The following NET1 variants were observed in gnomAD, a reference collection of about 807,000 sequenced individuals.
NET1 encodes neuroepithelial cell transforming 1.
In NET1, 42 loss-of-function variants were observed where a neutral mutation model predicts 61.1. The ratio of observed to expected loss-of-function variants is 0.69; its 90% confidence interval spans 0.54 to 0.89. NET1 has a LOEUF of 0.89. Among genes scored for constraint, NET1 ranks in the 40% least tolerant of loss-of-function variants. The pLI is 0.00. For synonymous variants in NET1, 254 were observed against 281.8 expected (o/e 0.90, Z 0.99); for missense variants, 654 against 747.3 (o/e 0.88, Z 1.46).
chr10:5,439,342 T>C lies in NET1; in HGVS notation c.255+10113T>C, dbSNP rs1258366346. On this transcript the variant is annotated intron_variant, in intron 3 of 11. Transcript: ENST00000355029. The surrounding 1 kb of genome is among the most constrained non-coding windows in gnomAD (Gnocchi z 4.8). Reference sequence around the variant, plus strand: ...ATTCATGTGTGAATGAGGGCCAAATTTTTCTCTTAGTGGTTTTAGAGACCT... The same window carrying C: ...ATTCATGTGTGAATGAGGGCCAAATCTTTCTCTTAGTGGTTTTAGAGACCT... Among the ~76,000 whole-genome samples the C allele has an allele frequency of 6.6e-6, 1 of 152,148 alleles. No individual in the cohort carries two copies. Among genetic ancestry groups the C allele is most frequent in the Non-Finnish European group, 1.5e-5 (1 of 68,030 alleles).
In NET1 at chr10:5,451,891, C is replaced by G; in HGVS notation, c.317C>G (p.Ser106Cys). The change falls in exon 4 of 12, where the codon TCT becomes TGT. Residue 106 changes from serine (S) to cysteine (C), a missense_variant. Physicochemically the swap from Ser to Cys is moderately radical, Grantham distance 112 (BLOSUM62 -1). Coordinates refer to ENST00000355029, the MANE Select transcript of NET1 (RefSeq NM_001047160.3). The surrounding 1 kb of genome is among the most constrained non-coding windows in gnomAD (Gnocchi z 6.1). ...GTCACGTCCTTGGCAAATTTAATCT[C>G]TCCTGTAAGAAATGGAGCTGTCAGA... ...ARVTSLANLI[S>C]PVRNGAVRRF... is the part of the protein sequence containing the mutation. 1 of 1,614,004 alleles carries G rather than the reference C, an allele frequency of 6.2e-7. No individual in the cohort carries two copies. The highest frequency in any genetic ancestry group is 1.1e-5 in the South Asian group (1 of 91,076).
chr10:5,412,869 C>T lies in NET1; in HGVS notation c.128+49C>T. 1.2e-6 allele frequency: 1 copy of T among 867,542 alleles called. No homozygotes were observed. The highest frequency in any genetic ancestry group is 1.4e-6 in the Non-Finnish European group (1 of 730,074). 53.7% of individuals were successfully genotyped at this position (867,542 alleles called of 1,614,324 possible). A position where few individuals can be genotyped will look rare whatever the true frequency, so the allele number is the denominator to read the frequency against. On this transcript the variant is annotated intron_variant, in intron 1 of 11. Coordinates refer to ENST00000355029, the MANE Select transcript of NET1 (RefSeq NM_001047160.3). This position sits in a 1 kb window ranked among gnomAD's most constrained non-coding sequence, Gnocchi z 6.5. ...CGAACGGGAGGTGAGTGTAGGGGAG[C>T]GGAGGGCCGAACGGGAGGTGAGTGT... is the stretch of plus-strand genomic sequence containing the variant.
chr10:5,445,326 T>C (rs568395945), intron 3 of NET1, among the ~76,000 whole-genome samples: 3 of 152,360 alleles, frequency 2.0e-5, no homozygotes, highest in African/African-American at 7.2e-5. Context: ...GAAAACTACC[T>C]GAAGTGGTTT....
chr10:5,420,360 T>C lies in NET1; in HGVS notation c.129-6295T>C. Among the ~76,000 whole-genome samples, 1 of 145,696 alleles carries C rather than the reference T, an allele frequency of 6.9e-6. No individual in the cohort carries two copies. Among genetic ancestry groups the C allele is most frequent in the South Asian group, 2.1e-4 (1 of 4,668 alleles). ...CATTATGATATTCTGTACAGTGAGA[T>C]ATTATAATATACAATTTTTATAACT... On this transcript the variant is annotated intron_variant, in intron 1 of 11. Transcript: ENST00000355029. This position sits in a 1 kb window ranked among gnomAD's most constrained non-coding sequence, Gnocchi z 5.3.
In NET1 at chr10:5,424,125, G is replaced by A. The variant is rs1016943225; in HGVS notation, c.129-2530G>A. 3.3e-5 allele frequency among the ~76,000 whole-genome samples: 5 copies of A among 152,176 alleles called. No homozygotes were observed. The highest frequency in any genetic ancestry group is 1.2e-4 in the African/African-American group (5 of 41,440). ...TTTCTAGGGAATAAAGAAATTAGTA[G>A]CTTTGGTTTTGTAATGCTCCCTAAT... On this transcript the variant is annotated intron_variant, in intron 1 of 11. Coordinates refer to ENST00000355029, the MANE Select transcript of NET1 (RefSeq NM_001047160.3). The surrounding 1 kb of genome is among the most constrained non-coding windows in gnomAD (Gnocchi z 6.1).
At chr10:5,430,502 G>A (rs1020957435) in intron 3 of NET1, among the ~76,000 whole-genome samples, 1 of 151,618 alleles carries the variant, frequency 6.6e-6, no homozygotes, top group African/African-American at 2.4e-5. Flanking sequence ...AGCCTCCTGA[G>A]TAGCTGAGAT....
intron 1 of NET1, among the ~76,000 whole-genome samples, chr10:5,414,816 G>A (rs1832051697): frequency 6.6e-6 from 1 of 152,200 alleles, no homozygotes; most frequent in African/African-American, 2.4e-5. Flanking sequence ...AGAGGATTTA[G>A]CCTAACAAGA....
Position 5,452,626 on chromosome 10 carries a change from T to TA in NET1, c.531+102dup. ...TTTGTGTTTGAGCAACAATTCCTAA[T>TA]ACATGGTGAACAAAACCTAATGATG... On this transcript the variant is annotated intron_variant, in intron 5 of 11. Coordinates refer to ENST00000355029, the MANE Select transcript of NET1 (RefSeq NM_001047160.3). This position sits in a 1 kb window ranked among gnomAD's most constrained non-coding sequence, Gnocchi z 4.0. The TA allele has an allele frequency of 7.9e-7, 1 of 1,259,786 alleles. No homozygotes were observed. The highest frequency in any genetic ancestry group is 1.1e-6 in the Non-Finnish European group (1 of 904,552). 78.0% of individuals were successfully genotyped at this position (1,259,786 alleles called of 1,614,324 possible). A position where few individuals can be genotyped will look rare whatever the true frequency, so the allele number is the denominator to read the frequency against.
chr10:5,453,098 T>G lies in NET1; in HGVS notation c.595-152T>G. 1 of 717,352 alleles carries G rather than the reference T, an allele frequency of 1.4e-6. No individual in the cohort carries two copies. Among genetic ancestry groups the G allele is most frequent in the Non-Finnish European group, 2.4e-6 (1 of 408,488 alleles). The allele number at this position is 717,352 out of a possible 1,614,324, so 44.4% of individuals were successfully genotyped here. ...AAATACAAGTATTAGTAAGAGAGTT[T>G]ATTTGGGGATTAATACATACTAATT... is the stretch of plus-strand genomic sequence containing the variant. On this transcript the variant is annotated intron_variant, in intron 6 of 11. Coordinates refer to ENST00000355029, the MANE Select transcript of NET1 (RefSeq NM_001047160.3). The surrounding 1 kb of genome is among the most constrained non-coding windows in gnomAD (Gnocchi z 4.9).
In NET1 at chr10:5,454,933, A is replaced by G. The variant is rs752129586; in HGVS notation, c.1027-15A>G. The stretch of plus-strand genomic sequence containing the variant: ...AAACTGAAGCTGCTCTGTCAATTTT[A>G]TTTATCATTTTCAGATATTGATAAT... On this transcript the variant is annotated splice_polypyrimidine_tract_variant and intron_variant, in intron 9 of 11. Coordinates refer to ENST00000355029, the MANE Select transcript of NET1 (RefSeq NM_001047160.3). The surrounding 1 kb of genome is among the most constrained non-coding windows in gnomAD (Gnocchi z 8.1). 9 of 1,611,086 alleles carry G rather than the reference A, an allele frequency of 5.6e-6. No homozygotes were observed. In the Admixed American group the frequency reaches 1.2e-4, roughly 21 times the overall value.
At position 5,456,543 on chromosome 10, in the gene NET1, T is replaced by C. The variant is rs748033617; in HGVS notation, c.1385-45T>C. The C allele has an allele frequency of 3.3e-6, 5 of 1,500,194 alleles. No individual in the cohort carries two copies. In the Admixed American group the frequency reaches 1.1e-4, roughly 34 times the overall value. 92.9% of individuals were successfully genotyped at this position (1,500,194 alleles called of 1,614,324 possible). A position where few individuals can be genotyped will look rare whatever the true frequency, so the allele number is the denominator to read the frequency against. On this transcript the variant is annotated intron_variant, in intron 11 of 11. Transcript: ENST00000355029. The surrounding 1 kb of genome is among the most constrained non-coding windows in gnomAD (Gnocchi z 7.0). ...ATGACCACTTTGTCTAGAATAAACCTTTTTTTAGCCTGATTTCTTTTTTTT... is the reference window on the plus strand; with the variant it reads ...ATGACCACTTTGTCTAGAATAAACCCTTTTTTAGCCTGATTTCTTTTTTTT...
chr10:5,432,564 T>TA (rs60035089), intron 3 of NET1, among the ~76,000 whole-genome samples: 1 of 150,222 alleles, frequency 6.7e-6, no homozygotes, highest in Non-Finnish European at 1.5e-5. Flanking sequence ...ATTTGGTTTT[T>TA]AAAAAAAATT....
intron 3 of NET1, among the ~76,000 whole-genome samples, chr10:5,450,151 G>T (rs887866630): frequency 6.6e-6 from 1 of 152,298 alleles, no homozygotes; most frequent in African/African-American, 2.4e-5. Context: ...TACATATCGC[G>T]AAGGTTTCTT....
In NET1 at chr10:5,420,813, T is replaced by C. The variant is rs547625771; in HGVS notation, c.129-5842T>C. 7.9e-5 allele frequency among the ~76,000 whole-genome samples: 12 copies of C among 152,032 alleles called. No homozygotes were observed. Among genetic ancestry groups the C allele is most frequent in the Middle Eastern group, 3.4e-3 (1 of 294 alleles). ...GTTTCACCATGTTGGCCAGGATGGT[T>C]TTGATCTCCTGACCTCGTGAACCGC... On this transcript the variant is annotated intron_variant, in intron 1 of 11. Transcript: ENST00000355029. This position sits in a 1 kb window ranked among gnomAD's most constrained non-coding sequence, Gnocchi z 5.3.
rs1029744866 is a variant in NET1 at position 5,412,641 on chromosome 10, C to A, written c.-52C>A. 2.8e-6 allele frequency: 4 copies of A among 1,439,444 alleles called. No individual in the cohort carries two copies. Among genetic ancestry groups the A allele is most frequent in the Non-Finnish European group, 3.6e-6 (4 of 1,108,552 alleles). The allele number at this position is 1,439,444 out of a possible 1,614,324, so 89.2% of individuals were successfully genotyped here. ...AGAGGCTGGCGGGCATCGTGCCCGT[C>A]CCTGCCGGTCTCCCGGGCACCCGGC... On this transcript the variant is annotated 5_prime_UTR_variant, in exon 1 of 12. Coordinates refer to ENST00000355029, the MANE Select transcript of NET1 (RefSeq NM_001047160.3). The surrounding 1 kb of genome is among the most constrained non-coding windows in gnomAD (Gnocchi z 6.5).
In NET1 at chr10:5,452,008, G is replaced by T; in HGVS notation, c.363+71G>T. ...AAGCCTGGAATTTGTAGTTGTCTTTGAGCTGTACAAACAAGTTTGCATTAT... is the reference window on the plus strand; with the variant it reads ...AAGCCTGGAATTTGTAGTTGTCTTTTAGCTGTACAAACAAGTTTGCATTAT... On this transcript the variant is annotated intron_variant, in intron 4 of 11. Transcript: ENST00000355029. This position sits in a 1 kb window ranked among gnomAD's most constrained non-coding sequence, Gnocchi z 4.0. The T allele has an allele frequency of 1.7e-6, 2 of 1,170,514 alleles. No individual in the cohort carries two copies. The highest frequency in any genetic ancestry group is 1.2e-6 in the Non-Finnish European group (1 of 801,140). 72.5% of individuals were successfully genotyped at this position (1,170,514 alleles called of 1,614,324 possible). A position where few individuals can be genotyped will look rare whatever the true frequency, so the allele number is the denominator to read the frequency against.
At position 5,453,216 on chromosome 10, in the gene NET1, GA is replaced by G. The variant is rs752849409; in HGVS notation, c.595-33del. 1 of 1,198,122 alleles carries G rather than the reference GA, an allele frequency of 8.3e-7. No homozygotes were observed. The highest frequency in any genetic ancestry group is 2.3e-5 in the East Asian group (1 of 42,976). The allele number at this position is 1,198,122 out of a possible 1,614,324, so 74.2% of individuals were successfully genotyped here. ...TAGATCCCTCATGTTTTCCTCACAT[GA>G]TCTCTCTGTGACACATTTCTCCCCT... On this transcript the variant is annotated intron_variant, in intron 6 of 11. Transcript: ENST00000355029. The surrounding 1 kb of genome is among the most constrained non-coding windows in gnomAD (Gnocchi z 4.9).
rs750389264 is a variant in NET1, at chr10:5,456,814, G to A, written c.1611G>A (p.Arg537=). ...PSARKLTAQR[R]ASTVSSVTQV... ...CGAGGAAACTCACAGCCCAGAGGAGGGCATCCACAGTTTCCAGTGTTACTC... is the reference window on the plus strand; with the variant it reads ...CGAGGAAACTCACAGCCCAGAGGAGAGCATCCACAGTTTCCAGTGTTACTC... Residue 537 remains arginine, a synonymous_variant, in exon 12 of 12, where the codon AGG becomes AGA. Coordinates refer to ENST00000355029, the MANE Select transcript of NET1 (RefSeq NM_001047160.3). The surrounding 1 kb of genome is among the most constrained non-coding windows in gnomAD (Gnocchi z 7.0). The A allele has an allele frequency of 6.2e-6, 10 of 1,613,674 alleles. No homozygotes were observed. In the South Asian group the frequency reaches 1.1e-4, roughly 18 times the overall value.
intron 1 of NET1, among the ~76,000 whole-genome samples, chr10:5,418,306 A>G (rs1001477278): frequency 5.9e-5 from 9 of 152,000 alleles, no homozygotes; most frequent in African/African-American, 2.2e-4. Flanking sequence ...GTTTATTATT[A>G]TTATTAATTC....
Sources: allele counts gnomAD v4.1 joint callset (sites outside exome capture counted in the v4.1 genomes callset), GRCh38; gene constraint gnomAD v4.1.1; non-coding constraint Gnocchi (gnomAD v3.1); transcripts MANE v1.5; gene names NCBI Gene and HGNC (gene_info 2026-07-23, HGNC 2026-07-21).